The following PRKAR1B variants were observed in gnomAD, a reference collection of about 807,000 sequenced individuals.
PRKAR1B encodes protein kinase cAMP-dependent type I regulatory subunit beta.
In PRKAR1B, 22 loss-of-function variants were observed where a neutral mutation model predicts 46.5. That is an observed-to-expected ratio of 0.47 (90% CI 0.34 to 0.68). The LOEUF (loss-of-function observed/expected upper bound fraction) is 0.68, where lower values mean the gene tolerates loss of function less well. Ranked by LOEUF, PRKAR1B falls within the 30% of genes least tolerant of loss-of-function variation. PRKAR1B has a pLI of 0.01. For synonymous variants in PRKAR1B, 259 were observed against 217.7 expected, an observed-to-expected ratio of 1.19 and a Z score of -1.67; for missense variants, 445 against 535.6, an observed-to-expected ratio of 0.83 and a Z score of 1.67.
At chr7:574,273 C>T (rs1027352258) in intron 9 of PRKAR1B, among the ~76,000 whole-genome samples, 2 of 152,250 alleles carry the variant, frequency 1.3e-5, no homozygotes, top group African/African-American at 4.8e-5. Flanking sequence ...CCCCGAGTGC[C>T]TGCAGAGACG....
At chr7:563,551 TGTGTGCAC>T (rs1188759058) in intron 9 of PRKAR1B, among the ~76,000 whole-genome samples, 1 of 152,222 alleles carries the variant, frequency 6.6e-6, no homozygotes, top group Non-Finnish European at 1.5e-5. Context: ...TGTGCATGCA[TGTGTGCAC>T]GTGTGAGTGC....
At chr7:657,190 TG>T (rs1194684054) in intron 4 of PRKAR1B, among the ~76,000 whole-genome samples, 1 of 151,794 alleles carries the variant, frequency 6.6e-6, no homozygotes, top group Admixed American at 6.6e-5. Flanking sequence ...AATGTGTGGA[TG>T]GGTGAATGAA....
chr7:697,324 G>A (rs1054852474), intron 2 of PRKAR1B, among the ~76,000 whole-genome samples: 1 of 152,150 alleles, frequency 6.6e-6, no homozygotes, highest in African/African-American at 2.4e-5. Context: ...AAGCCTACAC[G>A]CAGGGATTAC....
Position 691,575 on chromosome 7 carries a change from C to T in PRKAR1B, c.178-10849G>A, listed in dbSNP as rs763082693. 1.1e-4 allele frequency: 140 copies of T among 1,304,330 alleles called. No individual in the cohort carries two copies. The Middle Eastern group carries it at 3.2e-3, about 30-fold the overall frequency. 80.8% of individuals were successfully genotyped at this position (1,304,330 alleles called of 1,614,324 possible). A position where few individuals can be genotyped will look rare whatever the true frequency, so the allele number is the denominator to read the frequency against. On this transcript the variant is annotated intron_variant, in intron 2 of 10. Coordinates refer to ENST00000537384, the MANE Select transcript of PRKAR1B (RefSeq NM_001164760.2). ...ATGTCCACACGCCCTTCCGCCTACA[C>T]GCAGTCCTTTCGGACAGCCCAAAGT...
At chr7:711,924 T>C (rs946858270) in intron 1 of PRKAR1B, among the ~76,000 whole-genome samples, 2 of 151,420 alleles carry the variant, frequency 1.3e-5, no homozygotes, top group Admixed American at 6.6e-5. Context: ...GGGGCACTTA[T>C]GTGAAATGTG....
intron 2 of PRKAR1B, among the ~76,000 whole-genome samples, chr7:704,245 A>G (rs1022994833): frequency 6.6e-6 from 1 of 152,174 alleles, no homozygotes; most frequent in Non-Finnish European, 1.5e-5. Flanking sequence ...AATAGACAAA[A>G]TCGATGAAAT....
chr7:636,431 ACCGGCCGCGCCCTCACG>A (rs1206837375), intron 4 of PRKAR1B, among the ~76,000 whole-genome samples: 9 of 80,668 alleles, frequency 1.1e-4, no homozygotes, highest in African/African-American at 3.3e-4. Context: ...CACGTCCTCC[ACCGGCCGCGCCCTCACG>A]TCCTCCACCG....
chr7:678,588 C>T (rs73256228), intron 3 of PRKAR1B, among the ~76,000 whole-genome samples: 2,896 of 152,320 alleles, frequency 0.019, 89 homozygotes, highest in African/African-American at 0.066. Flanking sequence ...TAAAATGAAA[C>T]CACGCAGGAA....
At chr7:605,048 G>A (rs943818393) in intron 6 of PRKAR1B, among the ~76,000 whole-genome samples, 3 of 152,216 alleles carry the variant, frequency 2.0e-5, no homozygotes, top group Admixed American at 6.5e-5. Flanking sequence ...GAGCCGCAGA[G>A]GGTCCTACGA....
At chr7:660,144 G>T (rs1785428791) in intron 4 of PRKAR1B, among the ~76,000 whole-genome samples, 1 of 151,930 alleles carries the variant, frequency 6.6e-6, no homozygotes. Flanking sequence ...CCTGCAGAGA[G>T]GGGAGGAGCC....
chr7:637,172 G>C (rs192353098), intron 4 of PRKAR1B, among the ~76,000 whole-genome samples: 4 of 152,050 alleles, frequency 2.6e-5, no homozygotes, highest in Non-Finnish European at 5.9e-5. Context: ...CTGTAGTCCC[G>C]GCTCCTCGGG....
At chr7:720,050 CTTTTTTTTTTT>C (rs34254216) in intron 1 of PRKAR1B, among the ~76,000 whole-genome samples, 4 of 93,138 alleles carry the variant, frequency 4.3e-5, no homozygotes, top group Non-Finnish European at 6.2e-5. Context: ...CTGTGCAAGT[CTTTTTTTTTTT>C]TTTTTTTTTT....
In PRKAR1B at chr7:549,926, C is replaced by T. The variant is rs150643000; in HGVS notation, c.*504G>A. On this transcript the variant is annotated 3_prime_UTR_variant, in exon 11 of 11. Coordinates refer to ENST00000537384, the MANE Select transcript of PRKAR1B (RefSeq NM_001164760.2). ...TGGCGCGGGCAGGGGTACACATTTG[C>T]GGGAGGGGCCTTGACTTCTTCGGCC... The T allele has an allele frequency of 8.9e-3, 1,396 of 157,120 alleles. 15 individuals are homozygous for T. Among genetic ancestry groups the T allele is most frequent in the Middle Eastern group, 0.047 (14 of 300 alleles). The allele number at this position is 157,120 out of a possible 1,614,324, so 9.7% of individuals were successfully genotyped here. A position where few individuals can be genotyped will look rare whatever the true frequency, so the allele number is the denominator to read the frequency against.
intron 4 of PRKAR1B, among the ~76,000 whole-genome samples, chr7:626,024 AAAAG>A (rs1562570977): frequency 6.7e-6 from 1 of 149,472 alleles, no homozygotes; most frequent in Non-Finnish European, 1.5e-5. Flanking sequence ...AAAAAAAAAA[AAAAG>A]AAAGAAAGAA....
intron 7 of PRKAR1B, among the ~76,000 whole-genome samples, chr7:587,543 G>C (rs1179815084): frequency 6.6e-6 from 1 of 152,368 alleles, no homozygotes; most frequent in South Asian, 2.1e-4. Context: ...GCCACCCACA[G>C]CCAGATGCAA....
intron 9 of PRKAR1B, among the ~76,000 whole-genome samples, chr7:558,094 G>T (rs1455849340): frequency 6.6e-6 from 1 of 151,308 alleles, no homozygotes; most frequent in Non-Finnish European, 1.5e-5. Context: ...TGGGAGGGCG[G>T]CTTGAGGCCA....
chr7:661,583 G>A (rs13243132), intron 4 of PRKAR1B, among the ~76,000 whole-genome samples: 1 of 17,748 alleles, frequency 5.6e-5, no homozygotes. Context: ...ACCCCAACGG[G>A]TCCAAATACC....
intron 7 of PRKAR1B, among the ~76,000 whole-genome samples, chr7:588,522 G>C (rs1322799687): frequency 1.2e-5 from 1 of 84,964 alleles, no homozygotes; most frequent in Non-Finnish European, 2.4e-5. Context: ...CACGATGATG[G>C]TGGTGACGGT....
At chr7:555,250 G>C (rs1314249708) in intron 9 of PRKAR1B, among the ~76,000 whole-genome samples, 2 of 152,196 alleles carry the variant, frequency 1.3e-5, no homozygotes, top group African/African-American at 4.8e-5. Flanking sequence ...CTGCCGGCAA[G>C]GAAGCGGCAG....
Sources: allele counts gnomAD v4.1 joint callset (sites outside exome capture counted in the v4.1 genomes callset), GRCh38; gene constraint gnomAD v4.1.1; transcripts MANE v1.5; gene names NCBI Gene and HGNC (gene_info 2026-07-23, HGNC 2026-07-21).